Variants in CCDC141 observed in about 807,000 individuals in gnomAD.
The protein encoded by CCDC141 is coiled-coil domain-containing protein 141.
Under a neutral mutation model 181.0 loss-of-function variants are expected in CCDC141, and 168 were observed. The observed-to-expected ratio is 0.93, with a 90% confidence interval of 0.82 to 1.05. CCDC141 has a LOEUF of 1.05. Among genes scored for constraint, CCDC141 ranks in the 50% least tolerant of loss-of-function variants. CCDC141 has a pLI of 0.00. For missense variants in CCDC141, 1,902 were observed against 1,788.5 expected, an observed-to-expected ratio of 1.06 and a Z score of -1.14; for synonymous variants, 666 against 642.3, an observed-to-expected ratio of 1.04 and a Z score of -0.56.
chr2:178,869,282 G>A lies in CCDC141; in HGVS notation c.2229C>T (p.Tyr743=), dbSNP rs1460259949. The A allele has an allele frequency of 3.8e-6, 6 of 1,595,932 alleles. No individual in the cohort carries two copies. The highest frequency in any genetic ancestry group is 2.3e-5 in the South Asian group (2 of 86,858). ...QFQQLNDEVQ[Y]IMKESEELTG... ...TTAACTCCTCTGATTCTTTCATAAT[G>A]TACTGAACCTCATCATTCAATTGCT... Residue 743 remains tyrosine, a synonymous_variant, in exon 15 of 24, where the codon TAC becomes TAT. Transcript: ENST00000443758.
chr2:178,836,744 G>A, intron 23 of CCDC141, 150 bp downstream of exon 23: 1 of 759,282 alleles, frequency 1.3e-6, no homozygotes, highest in African/African-American at 1.8e-5. Context: ...AAAATGAGAG[G>A]GGTCTGATGT....
chr2:178,955,310 T>A (rs1690115302), intron 5 of CCDC141, among the ~76,000 whole-genome samples: 1 of 151,582 alleles, frequency 6.6e-6, no homozygotes, highest in Admixed American at 6.6e-5. Flanking sequence ...ATAATAATAA[T>A]AATAAACAGA....
chr2:178,985,634 T>A (rs1691689540), intron 2 of CCDC141, among the ~76,000 whole-genome samples: 1 of 151,796 alleles, frequency 6.6e-6, no homozygotes, highest in African/African-American at 2.4e-5. Flanking sequence ...ATAAAGGGGA[T>A]ATCACCACCG....
At chr2:179,020,850 C>T (rs964821895) in intron 2 of CCDC141, among the ~76,000 whole-genome samples, 2 of 152,132 alleles carry the variant, frequency 1.3e-5, no homozygotes, top group Non-Finnish European at 2.9e-5. Flanking sequence ...TATATTTCTA[C>T]AGGCTTCAAC....
chr2:178,881,915 T>TCTCTCTCACACA (rs1465946696), intron 11 of CCDC141, among the ~76,000 whole-genome samples: 6 of 92,286 alleles, frequency 6.5e-5, no homozygotes, highest in African/African-American at 2.0e-4. Context: ...TCTCTCTCTC[T>TCTCTCTCACACA]CACACACACA....
intron 14 of CCDC141, among the ~76,000 whole-genome samples, chr2:178,870,246 A>AAAAAAAAAT: frequency 6.6e-6 from 1 of 151,362 alleles, no homozygotes; most frequent in Admixed American, 6.6e-5. Flanking sequence ...AAAAAAAAAA[A>AAAAAAAAAT]AAAAAAAAGA....
intron 11 of CCDC141, among the ~76,000 whole-genome samples, chr2:178,883,827 T>C (rs1686741514): frequency 1.3e-5 from 2 of 152,042 alleles, no homozygotes; most frequent in Non-Finnish European, 2.9e-5. Flanking sequence ...CAATGACCTT[T>C]GAGATGGAAT....
chr2:178,837,782 A>G (rs765416184), intron 22 of CCDC141, 38 bp from the exon 23 acceptor site: 1 of 1,553,300 alleles, frequency 6.4e-7, no homozygotes, highest in Non-Finnish European at 8.7e-7. Context: ...TTATTCATTC[A>G]TTTTTCTTTT....
At chr2:178,827,837 G>T (rs1410252739), downstream of CCDC141, among the ~76,000 whole-genome samples, 1 of 152,166 alleles carries the variant, frequency 6.6e-6, no homozygotes, top group Non-Finnish European at 1.5e-5. Context: ...CAACAGAAAT[G>T]TATTCTTTCA....
intron 8 of CCDC141, among the ~76,000 whole-genome samples, chr2:178,902,827 A>C (rs71423587): frequency 0.32 from 47,181 of 148,288 alleles, 8,826 homozygotes; most frequent in Middle Eastern, 0.41. Context: ...GCAACCTACA[A>C]AATGGGAGAA....
rs79984707 is a variant in CCDC141, at chr2:178,925,655, G to C, written c.898-6748C>G. ...TGTCCCTGTTTTTCTTAGATTTCTT[G>C]TTCCTATTAATCACGTTTTCTTCTA... On this transcript the variant is annotated intron_variant, in intron 6 of 23. Transcript: ENST00000443758. 4.2e-4 allele frequency among the ~76,000 whole-genome samples: 64 copies of C among 152,110 alleles called. 2 individuals carry two copies. Among genetic ancestry groups the C allele is most frequent in the South Asian group, 8.3e-4 (4 of 4,810 alleles).
chr2:178,855,654 T>A, intron 18 of CCDC141, 113 bp from the exon 19 acceptor site: 1 of 583,256 alleles, frequency 1.7e-6, no homozygotes. Flanking sequence ...TCCAATCTAT[T>A]AAAATAATAA....
intron 17 of CCDC141, 140 bp from the exon 18 acceptor site, chr2:178,856,537 C>CCT (rs61168315): frequency 1.5e-4 from 70 of 480,818 alleles, no homozygotes; most frequent in Middle Eastern, 5.7e-4. Context: ...TCCCTCCCTC[C>CCT]CTCTCTCTTT....
chr2:179,043,366 T>C (rs897352646), intron 2 of CCDC141, among the ~76,000 whole-genome samples: 1 of 152,208 alleles, frequency 6.6e-6, no homozygotes, highest in East Asian at 1.9e-4. Flanking sequence ...CCCTAACTCA[T>C]CCTGATGCCA....
chr2:178,833,100 C>G lies in CCDC141; in HGVS notation c.*1073G>C, dbSNP rs1393248618. The G allele has an allele frequency of 1.3e-5, 2 of 152,024 alleles. No individual in the cohort carries two copies. The highest frequency in any genetic ancestry group is 2.9e-5 in the Non-Finnish European group (2 of 68,012). The allele number at this position is 152,024 out of a possible 1,614,324, so 9.4% of individuals were successfully genotyped here. ...TTAGATAGGAATTTAAGCTCTAATT[C>G]ATAAAACATCACTTTCCTCCATGGA... On this transcript the variant is annotated 3_prime_UTR_variant, in exon 24 of 24. Transcript: ENST00000443758.
the CCDC141 span, among the ~76,000 whole-genome samples, chr2:178,823,525 T>C: frequency 3.9e-5 from 6 of 152,312 alleles, no homozygotes; most frequent in East Asian, 1.9e-4. Flanking sequence ...GAAAAATTCA[T>C]CTTTAAAGAT....
intron 23 of CCDC141, among the ~76,000 whole-genome samples, chr2:178,834,764 G>A (rs1385768597): frequency 2.0e-5 from 3 of 151,214 alleles, no homozygotes; most frequent in Admixed American, 1.3e-4. Flanking sequence ...TTTTTTTTAA[G>A]AGATAGGATC....
intron 19 of CCDC141, 28 bp from the exon 20 acceptor site, chr2:178,853,652 TGAAA>T (rs1244332298): frequency 1.3e-6 from 2 of 1,575,328 alleles, no homozygotes; most frequent in African/African-American, 1.4e-5. Flanking sequence ...AAAGCACAGA[TGAAA>T]GAAATACCAT....
intron 6 of CCDC141, among the ~76,000 whole-genome samples, chr2:178,929,966 A>G (rs1052654439): frequency 2.6e-5 from 4 of 152,122 alleles, no homozygotes; most frequent in Non-Finnish European, 5.9e-5. Context: ...CTGAAGTAGC[A>G]GCTTTTTACA....
Sources: allele counts gnomAD v4.1 joint callset (sites outside exome capture counted in the v4.1 genomes callset), GRCh38; gene constraint gnomAD v4.1.1; transcripts MANE v1.5; gene names NCBI Gene and HGNC (gene_info 2026-07-23, HGNC 2026-07-21).